The following NECTIN3 variants were observed in gnomAD, a reference collection of about 807,000 sequenced individuals.
NECTIN3 encodes nectin-3.
A neutral mutation model predicts 49.4 loss-of-function variants in NECTIN3; 8 were observed. The ratio of observed to expected loss-of-function variants is 0.16; its 90% confidence interval spans 0.10 to 0.29. The LOEUF is 0.29. NECTIN3 is among the 10% of genes least tolerant of loss of function. The pLI is 1.00. For missense variants in NECTIN3, 581 were observed against 654.6 expected, an observed-to-expected ratio of 0.89 and a Z score of 1.23; for synonymous variants, 277 against 241.1, an observed-to-expected ratio of 1.15 and a Z score of -1.38.
intron 2 of NECTIN3, among the ~76,000 whole-genome samples, chr3:111,112,916 G>A (rs2033533905): frequency 6.6e-6 from 1 of 152,034 alleles, no homozygotes; most frequent in Non-Finnish European, 1.5e-5. Context: ...TGTTGAAAAA[G>A]CTCGTTAACT....
Position 111,148,218 on chromosome 3 carries a change from T to C in NECTIN3, c.1221+734T>C, listed in dbSNP as rs143951248. On this transcript the variant is annotated intron_variant, in intron 7 of 8. Coordinates refer to the NECTIN3 transcript ENST00000493615. ...GTATCTTCAGCCTGAATAAGGCAAATCATTAGCCCATCAATTCATTGATTT... is the reference window on the plus strand; with the variant it reads ...GTATCTTCAGCCTGAATAAGGCAAACCATTAGCCCATCAATTCATTGATTT... Among the ~76,000 whole-genome samples, 5 of 152,324 alleles carry C rather than the reference T, an allele frequency of 3.3e-5. 1 individual carries two copies. The East Asian group carries it at 9.6e-4, about 29-fold the overall frequency.
At chr3:111,105,581 A>T (rs1279257702) in intron 1 of NECTIN3, among the ~76,000 whole-genome samples, 1 of 152,176 alleles carries the variant, frequency 6.6e-6, no homozygotes, top group Non-Finnish European at 1.5e-5. Context: ...CACCCTTTTC[A>T]TAGTAGCTTT....
intron 1 of NECTIN3, among the ~76,000 whole-genome samples, chr3:111,111,523 G>T (rs1208191138): frequency 6.6e-6 from 1 of 152,094 alleles, no homozygotes; most frequent in African/African-American, 2.4e-5. Flanking sequence ...CTATTGCCAT[G>T]TAAAAAATTT....
intron 7 of NECTIN3, among the ~76,000 whole-genome samples, chr3:111,175,533 A>G (rs1279147982): frequency 1.3e-5 from 2 of 151,934 alleles, no homozygotes. Flanking sequence ...CCTGGAGGAC[A>G]GGGCCCATAC....
At chr3:111,187,472 C>T (rs919077742), upstream of NECTIN3, among the ~76,000 whole-genome samples, 3 of 152,126 alleles carry the variant, frequency 2.0e-5, no homozygotes, top group African/African-American at 4.8e-5. Context: ...AATATTTACC[C>T]ATATGATGTG....
chr3:111,183,579 G>T (rs886924934), intron 7 of NECTIN3, among the ~76,000 whole-genome samples: 3 of 152,036 alleles, frequency 2.0e-5, no homozygotes, highest in Non-Finnish European at 2.9e-5. Context: ...CTCCCAAAGT[G>T]CTGGGATTAC....
chr3:111,126,820 G>A (rs936086630), intron 5 of NECTIN3, among the ~76,000 whole-genome samples: 2 of 152,088 alleles, frequency 1.3e-5, no homozygotes, highest in East Asian at 3.8e-4. Context: ...AGGTGAAATA[G>A]GAATGCTACT....
intron 6 of NECTIN3, among the ~76,000 whole-genome samples, chr3:111,146,483 C>G (rs2034880098): frequency 1.3e-5 from 2 of 151,528 alleles, no homozygotes; most frequent in Non-Finnish European, 2.9e-5. Flanking sequence ...ACTTAATTCC[C>G]AGATTATCTT....
rs1234640803 is a variant in NECTIN3, at chr3:111,126,295, C to T, written c.1029C>T (p.Ser343=). The change falls in exon 5 of 6, where the codon TCC becomes TCT. Residue 343 remains serine, a synonymous_variant. Coordinates refer to ENST00000485303, the MANE Select transcript of NECTIN3 (RefSeq NM_015480.3). ...TTTATATCTGTAAAGTGACCAATTCCCTTGGTCAAAGAAGTGACCAAAAAG... is the reference window on the plus strand; with the variant it reads ...TTTATATCTGTAAAGTGACCAATTCTCTTGGTCAAAGAAGTGACCAAAAAG... The part of the protein sequence containing the change: ...SGVYICKVTN[S]LGQRSDQKVI... 6.2e-6 allele frequency: 10 copies of T among 1,608,672 alleles called. No homozygotes were observed. In the Admixed American group the frequency reaches 1.4e-4, roughly 22 times the overall value.
chr3:111,102,196 TG>T (rs1246393694), intron 1 of NECTIN3, among the ~76,000 whole-genome samples: 1 of 152,160 alleles, frequency 6.6e-6, no homozygotes, highest in Non-Finnish European at 1.5e-5. Flanking sequence ...AAAAGCTTTT[TG>T]GCAGTTTTCA....
At chr3:111,089,176 C>T (rs1006101018) in intron 1 of NECTIN3, among the ~76,000 whole-genome samples, 1 of 151,836 alleles carries the variant, frequency 6.6e-6, no homozygotes, top group African/African-American at 2.4e-5. Context: ...TATTTTGTGC[C>T]TTTTCTCATT....
At chr3:111,082,895 T>G (rs2031707209) in intron 1 of NECTIN3, among the ~76,000 whole-genome samples, 2 of 152,216 alleles carry the variant, frequency 1.3e-5, no homozygotes, top group African/African-American at 4.8e-5. Context: ...CATCAGGCAT[T>G]AGATTCTTGT....
downstream of NECTIN3, among the ~76,000 whole-genome samples, chr3:111,141,552 C>T (rs73854910): frequency 0.032 from 4,857 of 151,746 alleles, 88 homozygotes; most frequent in Middle Eastern, 0.058. Context: ...TAGTTGATAA[C>T]TAGTTGATTT....
chr3:111,095,815 C>A (rs2107405980), intron 1 of NECTIN3, among the ~76,000 whole-genome samples: 1 of 152,294 alleles, frequency 6.6e-6, no homozygotes, highest in Admixed American at 6.5e-5. Flanking sequence ...TGTTGCCTTC[C>A]ACTGTGATTG....
At chr3:111,107,116 C>A (rs912267988) in intron 1 of NECTIN3, among the ~76,000 whole-genome samples, 5 of 151,930 alleles carry the variant, frequency 3.3e-5, no homozygotes, top group East Asian at 1.9e-4. Context: ...TATGGATCTC[C>A]CTTCATTTTT....
chr3:111,137,465 G>GTT lies in NECTIN3; in HGVS notation c.*3255_*3256dup. 1 of 964,210 alleles carries GTT rather than the reference G, an allele frequency of 1.0e-6. No homozygotes were observed. Among genetic ancestry groups the GTT allele is most frequent in the Non-Finnish European group, 1.2e-6 (1 of 814,232 alleles). 59.7% of individuals were successfully genotyped at this position (964,210 alleles called of 1,614,324 possible). A position where few individuals can be genotyped will look rare whatever the true frequency, so the allele number is the denominator to read the frequency against. On this transcript the variant is annotated 3_prime_UTR_variant, in exon 6 of 6. Coordinates refer to ENST00000485303, the MANE Select transcript of NECTIN3 (RefSeq NM_015480.3). ...TTTTTGTTTTGTTTTGTTTTGTTTT[G>GTT]TTTTTTCTTTTTTAACCAACCTGTG...
intron 3 of NECTIN3, among the ~76,000 whole-genome samples, chr3:111,119,858 GTTCTA>G (rs1225220456): frequency 2.6e-5 from 4 of 152,116 alleles, no homozygotes; most frequent in African/African-American, 9.7e-5. Flanking sequence ...TTTTGAGGGA[GTTCTA>G]TTCTTTGTTG....
rs2033477446 is a variant in NECTIN3 at position 111,111,898 on chromosome 3, C to CGT, written c.161-132_161-131insGT. The stretch of plus-strand genomic sequence containing the variant: ...GTGTGAGTGCATGTGTGTGTGTGTG[C>CGT]ATGTGTGTGTGTGTGTGTGTGTGTG... On this transcript the variant is annotated intron_variant, in intron 1 of 5. Transcript: ENST00000485303. 8 of 418,920 alleles carry CGT rather than the reference C, an allele frequency of 1.9e-5. No individual in the cohort carries two copies. The African/African-American group carries it at 2.2e-4, about 12-fold the overall frequency. 26.0% of individuals were successfully genotyped at this position (418,920 alleles called of 1,614,324 possible).
chr3:111,128,355 C>G (rs534562101), intron 5 of NECTIN3, among the ~76,000 whole-genome samples: 1 of 151,612 alleles, frequency 6.6e-6, no homozygotes, highest in South Asian at 2.1e-4. Flanking sequence ...AAATAAATAT[C>G]AAGGCTCATT....
Sources: allele counts gnomAD v4.1 joint callset (sites outside exome capture counted in the v4.1 genomes callset), GRCh38; gene constraint gnomAD v4.1.1; transcripts MANE v1.5; gene names NCBI Gene and HGNC (gene_info 2026-07-23, HGNC 2026-07-21).